The following HADH variants were observed in gnomAD, a reference collection of about 807,000 sequenced individuals.
HADH encodes hydroxyacyl-CoA dehydrogenase.
Under a neutral mutation model 32.2 loss-of-function variants are expected in HADH, and 24 were observed. The observed-to-expected ratio is 0.75, with a 90% CI of 0.54 to 1.05. The LOEUF (loss-of-function observed/expected upper bound fraction) is 1.05, where lower values mean the gene tolerates loss of function less well. Ranked by LOEUF, HADH falls within the 50% of genes least tolerant of loss-of-function variation. HADH has a pLI of 0.00. For missense variants in HADH, 350 were observed against 397.1 expected (o/e 0.88, Z 1.01); for synonymous variants, 139 against 152.5 (o/e 0.91, Z 0.65).
intron 6 of HADH, chr4:108,032,130 T>A: frequency 1.3e-4 from 1 of 7,410 alleles, no homozygotes; most frequent in East Asian, 0.025. Context: ...TTTCCCTCTT[T>A]TCTTTAGCTT....
chr4:108,011,105 C>T (rs748423091), intron 2 of HADH, among the ~76,000 whole-genome samples: 1 of 152,172 alleles, frequency 6.6e-6, no homozygotes, highest in Non-Finnish European at 1.5e-5. Flanking sequence ...CCTCGGTCTC[C>T]CAAAGTGCTG....
At chr4:108,004,816 G>C (rs1243324630) in intron 1 of HADH, 1 of 1,535,958 alleles carries the variant, frequency 6.5e-7, no homozygotes, top group Non-Finnish European at 8.7e-7. Flanking sequence ...TCAAGACCTG[G>C]GTGTCTGCTG....
chr4:108,023,763 A>C, intron 5 of HADH, 200 bp downstream of exon 5: 1 of 594,930 alleles, frequency 1.7e-6, no homozygotes, highest in Non-Finnish European at 3.1e-6. Context: ...GCCATGCCTA[A>C]GGCCATTATG....
Position 108,019,579 on chromosome 4 carries a change from T to C in HADH, c.459T>C (p.Ile153=). 6.2e-7 allele frequency: 1 copy of C among 1,613,890 alleles called. No individual in the cohort carries two copies. The highest frequency in any genetic ancestry group is 8.5e-7 in the Non-Finnish European group (1 of 1,179,756). ...IFASNTSSLQ[I]TSIANATTRQ... is the part of the protein sequence containing the mutation. ...CCAGCAACACTTCCTCCTTGCAGATTACAAGCATAGCTAATGCCACCACCA... is the reference window on the plus strand; with the variant it reads ...CCAGCAACACTTCCTCCTTGCAGATCACAAGCATAGCTAATGCCACCACCA... Residue 153 remains isoleucine (I), a synonymous_variant, in exon 4 of 8, where the codon ATT becomes ATC. Transcript: ENST00000309522.
rs763621744 is a variant in HADH at position 108,019,675 on chromosome 4, G to A, written c.546+9G>A. ...TCATGAAACTTGTGGAGGTCAGTGGGTGTCAGCTTGTGTGTGTCTGCCCGC... is the reference window on the plus strand; with the variant it reads ...TCATGAAACTTGTGGAGGTCAGTGGATGTCAGCTTGTGTGTGTCTGCCCGC... On this transcript the variant is annotated intron_variant, in intron 4 of 7. Coordinates refer to ENST00000309522, the MANE Select transcript of HADH (RefSeq NM_005327.7). 3.3e-5 allele frequency: 53 copies of A among 1,613,802 alleles called. No homozygotes were observed. The East Asian group carries it at 6.2e-4, about 19-fold the overall frequency.
chr4:107,995,485 G>A (rs1360731533), intron 1 of HADH, among the ~76,000 whole-genome samples: 1 of 152,172 alleles, frequency 6.6e-6, no homozygotes, highest in African/African-American at 2.4e-5. Context: ...GAAGAGTTTT[G>A]ATATAGGGAG....
In HADH at chr4:108,035,012, CTT is replaced by C. The variant is rs886058981; in HGVS notation, c.*660_*661del. 1 of 153,292 alleles carries C rather than the reference CTT, an allele frequency of 6.5e-6. No individual in the cohort carries two copies. The highest frequency in any genetic ancestry group is 2.1e-4 in the South Asian group (1 of 4,872). 9.5% of individuals were successfully genotyped at this position (153,292 alleles called of 1,614,324 possible). ...CTGAATGATTACTGTCTGTCTGTGT[CTT>C]TTTTCCATGAGAAATCACTGTTGCA... On this transcript the variant is annotated 3_prime_UTR_variant, in exon 8 of 8. Coordinates refer to ENST00000309522, the MANE Select transcript of HADH (RefSeq NM_005327.7).
intron 1 of HADH, among the ~76,000 whole-genome samples, chr4:108,004,301 A>G (rs186953792): frequency 1.1e-3 from 168 of 152,350 alleles, no homozygotes; most frequent in African/African-American, 3.9e-3. Flanking sequence ...GTGGTGGTCT[A>G]AGTGGTAGTT....
intron 6 of HADH, chr4:108,028,972 C>A (rs1040132164): frequency 1.3e-5 from 5 of 398,476 alleles, no homozygotes; most frequent in African/African-American, 1.0e-4. Flanking sequence ...GCTGGAAGAG[C>A]AGGACCTGGC....
chr4:108,021,868 T>C (rs1735896233), intron 4 of HADH, among the ~76,000 whole-genome samples: 1 of 152,220 alleles, frequency 6.6e-6, no homozygotes, highest in Non-Finnish European at 1.5e-5. Flanking sequence ...TGTCTTTTCC[T>C]GTTTCCATCC....
chr4:108,008,140 T>C (rs1428299297), intron 1 of HADH, among the ~76,000 whole-genome samples: 1 of 152,148 alleles, frequency 6.6e-6, no homozygotes, highest in Non-Finnish European at 1.5e-5. Flanking sequence ...TTGGTTTGGA[T>C]TGATGAGGGT....
At chr4:108,012,482 C>T (rs143651999) in intron 2 of HADH, among the ~76,000 whole-genome samples, 91 of 152,328 alleles carry the variant, frequency 6.0e-4, no homozygotes, top group African/African-American at 1.9e-3. Context: ...TAACCTGACA[C>T]GTCCATCTTA....
chr4:107,998,751 C>T (rs1735029293), intron 1 of HADH, among the ~76,000 whole-genome samples: 1 of 151,788 alleles, frequency 6.6e-6, no homozygotes, highest in Non-Finnish European at 1.5e-5. Context: ...TTAGTAATAG[C>T]CATCCTAATG....
At chr4:108,011,982 C>G (rs1735511284) in intron 2 of HADH, among the ~76,000 whole-genome samples, 1 of 152,016 alleles carries the variant, frequency 6.6e-6, no homozygotes, top group Admixed American at 6.5e-5. Context: ...GCCTTGAACT[C>G]CTAGGCTCAA....
rs763529297 is a variant in HADH, at chr4:108,019,523, A to T, written c.420-17A>T. 1 of 1,611,578 alleles carries T rather than the reference A, an allele frequency of 6.2e-7. No individual in the cohort carries two copies. Among genetic ancestry groups the T allele is most frequent in the Non-Finnish European group, 8.5e-7 (1 of 1,177,756 alleles). On this transcript the variant is annotated splice_polypyrimidine_tract_variant and intron_variant, in intron 3 of 7. Coordinates refer to ENST00000309522, the MANE Select transcript of HADH (RefSeq NM_005327.7). Reference sequence around the variant, plus strand: ...AGAGATTCACTCTGATACTCCCACTATATTTTCTCTTCACAGACATACAAT... The same window carrying T: ...AGAGATTCACTCTGATACTCCCACTTTATTTTCTCTTCACAGACATACAAT...
At chr4:108,004,812 C>T (rs1264770119) in intron 1 of HADH, 1 of 1,535,838 alleles carries the variant, frequency 6.5e-7, no homozygotes, top group South Asian at 1.2e-5. Context: ...CACTTCAAGA[C>T]CTGGGTGTCT....
chr4:108,019,615 AT>A lies in HADH; in HGVS notation c.497del (p.Phe166SerfsTer13), dbSNP rs1735811245. On this transcript the variant is annotated frameshift_variant, in exon 4 of 8. Transcript: ENST00000309522. LOFTEE classifies it high-confidence loss of function. ...IANATTRQDR[F>X]AGLHFFNPVP... Reference sequence around the variant, plus strand: ...CTAATGCCACCACCAGACAAGACCGATTCGCTGGCCTCCATTTCTTCAACCC... The same window carrying A: ...CTAATGCCACCACCAGACAAGACCGATCGCTGGCCTCCATTTCTTCAACCC... 6.2e-7 allele frequency: 1 copy of A among 1,614,026 alleles called. No homozygotes were observed.
At chr4:108,015,714 A>AG (rs1735668822) in intron 3 of HADH, among the ~76,000 whole-genome samples, 1 of 152,182 alleles carries the variant, frequency 6.6e-6, no homozygotes, top group Admixed American at 6.5e-5. Flanking sequence ...GGTAACATGG[A>AG]GGGGTCCATC....
At chr4:108,008,985 C>G (rs996603568) in intron 1 of HADH, among the ~76,000 whole-genome samples, 4 of 152,164 alleles carry the variant, frequency 2.6e-5, no homozygotes, top group African/African-American at 9.7e-5. Flanking sequence ...TGTGTGTGAG[C>G]TTGGGCAGTT....
Sources: allele counts gnomAD v4.1 joint callset (sites outside exome capture counted in the v4.1 genomes callset), GRCh38; gene constraint gnomAD v4.1.1; transcripts MANE v1.5; gene names NCBI Gene and HGNC (gene_info 2026-07-23, HGNC 2026-07-21).